Variants in EHMT1 observed in about 807,000 individuals in gnomAD.
EHMT1 encodes the protein euchromatic histone lysine methyltransferase 1, also known as histone-lysine N-methyltransferase EHMT1.
A neutral mutation model predicts 147.2 loss-of-function variants in EHMT1; 15 were observed. That is an observed-to-expected ratio of 0.10 (90% CI 0.07 to 0.16). The LOEUF (loss-of-function observed/expected upper bound fraction) is 0.16. Ranked by LOEUF, EHMT1 falls within the 10% of genes least tolerant of loss-of-function variation. The pLI, the probability that EHMT1 is intolerant of heterozygous loss-of-function variation, is 1.00. For missense variants in EHMT1, 1,587 were observed against 1,772.4 expected, an observed-to-expected ratio of 0.90 and a Z score of 1.88; for synonymous variants, 795 against 709.6, an observed-to-expected ratio of 1.12 and a Z score of -1.91.
chr9:137,814,056 G>GGCC (rs1954715017), intron 21 of EHMT1, among the ~76,000 whole-genome samples: 1 of 50,050 alleles, frequency 2.0e-5, no homozygotes, highest in Non-Finnish European at 3.5e-5. Flanking sequence ...CACTGCCCAG[G>GGCC]CCCCCCCCCC....
At chr9:137,821,480 A>G (rs931793702) in intron 25 of EHMT1, among the ~76,000 whole-genome samples, 4 of 151,974 alleles carry the variant, frequency 2.6e-5, no homozygotes, top group Admixed American at 1.3e-4. Context: ...AGTGTGCACT[A>G]CAATGCCCGG....
intron 17 of EHMT1, among the ~76,000 whole-genome samples, chr9:137,799,763 G>A (rs1221616216): frequency 1.3e-5 from 2 of 152,236 alleles, no homozygotes; most frequent in Non-Finnish European, 2.9e-5. Context: ...CTGTGGCAGC[G>A]TCCCCATGGG....
intron 2 of EHMT1, among the ~76,000 whole-genome samples, chr9:137,711,537 C>G (rs941084454): frequency 1.5e-4 from 23 of 152,066 alleles, no homozygotes; most frequent in African/African-American, 5.1e-4. Flanking sequence ...CTGCATGACT[C>G]CAATTTTATG....
intron 25 of EHMT1, among the ~76,000 whole-genome samples, chr9:137,824,231 C>T (rs750151348): frequency 2.0e-5 from 3 of 152,158 alleles, no homozygotes; most frequent in Non-Finnish European, 4.4e-5. Context: ...CCAGCCTGGC[C>T]TGTCTCTCAA....
intron 6 of EHMT1, among the ~76,000 whole-genome samples, chr9:137,749,012 C>T (rs560670165): frequency 2.0e-5 from 3 of 152,296 alleles, no homozygotes; most frequent in African/African-American, 7.2e-5. Flanking sequence ...TGGACCCTCT[C>T]CCCTCTTAGC....
intron 8 of EHMT1, 138 bp from the exon 9 acceptor site, chr9:137,757,742 G>A: frequency 3.3e-6 from 4 of 1,224,320 alleles, no homozygotes; most frequent in Non-Finnish European, 4.6e-6. Context: ...AAACCATAGT[G>A]GGTTTCAACT....
chr9:137,713,151 T>C (rs1944893862), intron 2 of EHMT1, among the ~76,000 whole-genome samples: 1 of 152,146 alleles, frequency 6.6e-6, no homozygotes, highest in Non-Finnish European at 1.5e-5. Context: ...TAATCCAGGC[T>C]GGAGTGTGAT....
intron 3 of EHMT1, among the ~76,000 whole-genome samples, chr9:137,720,834 G>A (rs1005850010): frequency 1.3e-5 from 2 of 152,106 alleles, no homozygotes; most frequent in Non-Finnish European, 2.9e-5. Flanking sequence ...TTACGTACAC[G>A]TTTTGGATGT....
At chr9:137,630,940 A>G (rs569983886) in intron 1 of EHMT1, among the ~76,000 whole-genome samples, 1 of 152,268 alleles carries the variant, frequency 6.6e-6, no homozygotes, top group East Asian at 1.9e-4. Context: ...TAGGCATGGA[A>G]TGATACTTTA....
rs75731585 is a variant in EHMT1 at position 137,803,664 on chromosome 9, T to C, written c.2712+2680T>C. 8.7e-3 allele frequency among the ~76,000 whole-genome samples: 1,319 copies of C among 152,164 alleles called. 22 individuals are homozygous for C. The highest frequency in any genetic ancestry group is 0.031 in the African/African-American group (1,269 of 41,500). Reference sequence around the variant, plus strand: ...CTGGGAGTAGAATGGTTAGAACATATGACAGGTGTCTAGGCTTAACATTTT... The same window carrying C: ...CTGGGAGTAGAATGGTTAGAACATACGACAGGTGTCTAGGCTTAACATTTT... On this transcript the variant is annotated intron_variant, in intron 18 of 26. Transcript: ENST00000460843.
At chr9:137,722,930 G>T (rs1240454919) in intron 3 of EHMT1, among the ~76,000 whole-genome samples, 16 of 140,854 alleles carry the variant, frequency 1.1e-4, no homozygotes, top group African/African-American at 4.4e-4. Context: ...GGGTGTGTCT[G>T]TGTCTGTGGT....
At chr9:137,752,468 G>A in intron 7 of EHMT1, 60 bp downstream of exon 7, 1 of 1,573,582 alleles carries the variant, frequency 6.4e-7, no homozygotes, top group Non-Finnish European at 8.7e-7. Flanking sequence ...AAAGACACCA[G>A]CGTCCTTCAG....
At position 137,798,890 on chromosome 9, in the gene EHMT1, T is replaced by G. The variant is rs767570851; in HGVS notation, c.2583T>G (p.Asn861Lys). Residue 861 changes from asparagine (N) to lysine (K), a missense_variant, in exon 17 of 27, where the codon AAT becomes AAG. Coordinates refer to ENST00000460843, the MANE Select transcript of EHMT1 (RefSeq NM_024757.5). The stretch of plus-strand genomic sequence containing the variant: ...AAGTGGTCCAGTACCTGCTTTCAAA[T>G]GGACAGATGGACGTCAACTGTCAGG... ...HYEVVQYLLSNGQMDVNCQDD... is the reference protein window; with the variant it reads ...HYEVVQYLLSKGQMDVNCQDD... The G allele has an allele frequency of 5.6e-6, 9 of 1,614,160 alleles. No homozygotes were observed. Among genetic ancestry groups the G allele is most frequent in the Non-Finnish European group, 7.6e-6 (9 of 1,179,992 alleles).
intron 1 of EHMT1, among the ~76,000 whole-genome samples, chr9:137,666,565 A>G (rs902448240): frequency 3.9e-5 from 6 of 152,198 alleles, no homozygotes; most frequent in African/African-American, 1.4e-4. Flanking sequence ...TGGCCGTGCC[A>G]CGGTGCAGCT....
Position 137,743,538 on chromosome 9 carries a change from G to C in EHMT1, c.981+10G>C. The stretch of plus-strand genomic sequence containing the variant: ...CACTGTGGGTTCCAAGGTAAGAGAC[G>C]CATTTGAGTGAGTTGCCACGTGTGC... On this transcript the variant is annotated intron_variant, in intron 5 of 26. Coordinates refer to ENST00000460843, the MANE Select transcript of EHMT1 (RefSeq NM_024757.5). 1.2e-6 allele frequency: 2 copies of C among 1,614,046 alleles called. No individual in the cohort carries two copies. Among genetic ancestry groups the C allele is most frequent in the Non-Finnish European group, 1.7e-6 (2 of 1,180,008 alleles).
chr9:137,726,699 G>A (rs144233923), intron 3 of EHMT1, among the ~76,000 whole-genome samples: 121 of 152,294 alleles, frequency 7.9e-4, no homozygotes, highest in East Asian at 7.7e-3. Flanking sequence ...TTTCCACAGC[G>A]GATGCACCGT....
chr9:137,792,557 T>C lies in EHMT1; in HGVS notation c.2505+1587T>C, dbSNP rs1952603362. Among the ~76,000 whole-genome samples the C allele has an allele frequency of 2.0e-5, 3 of 151,904 alleles. No homozygotes were observed. The South Asian group carries it at 6.2e-4, about 32-fold the overall frequency. On this transcript the variant is annotated intron_variant, in intron 16 of 26. Transcript: ENST00000460843. ...CGGTCTCTACTAAAAATATAAAAAT[T>C]AGCCGGGCGTGGTGATGGGTGCCTG...
intron 16 of EHMT1, among the ~76,000 whole-genome samples, chr9:137,793,530 C>T (rs921360290): frequency 3.9e-5 from 6 of 152,250 alleles, no homozygotes; most frequent in African/African-American, 1.4e-4. Context: ...TCTGTAGCAA[C>T]TCCACTCCTA....
chr9:137,803,993 G>A (rs1190853411), intron 18 of EHMT1, among the ~76,000 whole-genome samples: 3 of 152,096 alleles, frequency 2.0e-5, no homozygotes, highest in Non-Finnish European at 4.4e-5. Flanking sequence ...ACCCTTCAGC[G>A]TGGCTGGGGG....
Sources: gnomAD v4.1 joint callset for allele counts (sites outside exome capture counted in the v4.1 genomes callset) on GRCh38, gnomAD v4.1.1 for gene constraint, MANE v1.5 for transcripts, NCBI Gene and HGNC (gene_info 2026-07-23, HGNC 2026-07-21) for gene names.